Variants in SLC24A3 observed in about 807,000 individuals in gnomAD.
SLC24A3 encodes solute carrier family 24 member 3, also known as sodium/potassium/calcium exchanger 3.
SLC24A3 carries 28 observed loss-of-function variants against 75.8 expected under a neutral mutation model. That is an observed-to-expected ratio of 0.37 (90% confidence interval 0.27 to 0.51). SLC24A3 has a LOEUF of 0.51. Ranked by LOEUF, SLC24A3 falls within the 20% of genes least tolerant of loss-of-function variation. The pLI, the probability that SLC24A3 is intolerant of heterozygous loss-of-function variation, is 0.94. For missense variants in SLC24A3, 663 were observed against 847.8 expected, an observed-to-expected ratio of 0.78 and a Z score of 2.71; for synonymous variants, 372 against 334.1, an observed-to-expected ratio of 1.11 and a Z score of -1.24.
intron 2 of SLC24A3, among the ~76,000 whole-genome samples, chr20:19,473,831 C>T (rs1458360766): frequency 3.9e-5 from 6 of 152,228 alleles, no homozygotes; most frequent in Non-Finnish European, 7.3e-5. Context: ...GCCCCAGTGA[C>T]CTCTCACTGT....
chr20:19,604,257 G>A (rs1193973799), intron 6 of SLC24A3, among the ~76,000 whole-genome samples: 2 of 151,596 alleles, frequency 1.3e-5, no homozygotes, highest in East Asian at 1.9e-4. Context: ...GGGCTGGCAT[G>A]AGCCACCACA....
At chr20:19,369,436 G>A (rs892419857) in intron 2 of SLC24A3, among the ~76,000 whole-genome samples, 7 of 152,006 alleles carry the variant, frequency 4.6e-5, no homozygotes, top group African/African-American at 1.7e-4. Flanking sequence ...CCAGATTAGG[G>A]GAGACAAAGG....
intron 3 of SLC24A3, among the ~76,000 whole-genome samples, chr20:19,551,398 G>C (rs2030691250): frequency 6.6e-6 from 1 of 152,126 alleles, no homozygotes; most frequent in South Asian, 2.1e-4. Context: ...ATCAAGAAAT[G>C]GAGAAGCAGG....
rs78200794 is a variant in SLC24A3 at position 19,722,713 on chromosome 20, C to A, written c.*1573C>A. The A allele has an allele frequency of 2.0e-5, 3 of 152,780 alleles. No homozygotes were observed. The highest frequency in any genetic ancestry group is 4.4e-5 in the Non-Finnish European group (3 of 68,044). 9.5% of individuals were successfully genotyped at this position (152,780 alleles called of 1,614,324 possible). ...CCTGCTACAAATTGGTTGAATGTTT[C>A]TGTCTGTGGTGCGAACCAGCATTAA... On this transcript the variant is annotated 3_prime_UTR_variant, in exon 17 of 17. Transcript: ENST00000328041.
intron 2 of SLC24A3, among the ~76,000 whole-genome samples, chr20:19,297,717 T>C (rs531644100): frequency 3.9e-4 from 60 of 152,366 alleles, no homozygotes; most frequent in Middle Eastern, 6.8e-3. Context: ...CTTCAGGAAA[T>C]GCCTTGTAGA....
intron 6 of SLC24A3, among the ~76,000 whole-genome samples, chr20:19,649,753 G>GTGAA (rs989804761): frequency 6.6e-6 from 1 of 152,188 alleles, no homozygotes; most frequent in African/African-American, 2.4e-5. Flanking sequence ...TTTGCCTGTA[G>GTGAA]TGAAGCATTG....
chr20:19,513,266 G>A (rs528948823), intron 2 of SLC24A3, among the ~76,000 whole-genome samples: 97 of 152,304 alleles, frequency 6.4e-4, no homozygotes, highest in Admixed American at 3.5e-3. Flanking sequence ...TGTGAGGGGC[G>A]TCCCCAGCCC....
intron 6 of SLC24A3, among the ~76,000 whole-genome samples, chr20:19,652,685 T>G (rs2032221328): frequency 6.6e-6 from 1 of 152,220 alleles, no homozygotes; most frequent in Non-Finnish European, 1.5e-5. Context: ...GGCCTTGTTA[T>G]TCATTTATGG....
rs553956421 is a variant in SLC24A3, at chr20:19,326,566, T to C, written c.271+45479T>C. ...TTTCTAGCACATTCAGTTTTTTCTT[T>C]CTTTTCTTTTCTTTTTTTTTTTTTT... On this transcript the variant is annotated intron_variant, in intron 2 of 16. Transcript: ENST00000328041. 1.0e-4 allele frequency among the ~76,000 whole-genome samples: 15 copies of C among 149,910 alleles called. No homozygotes were observed. In the East Asian group the frequency reaches 2.9e-3, roughly 29 times the overall value.
chr20:19,563,253 A>G (rs2122613095), intron 3 of SLC24A3, among the ~76,000 whole-genome samples: 1 of 152,276 alleles, frequency 6.6e-6, no homozygotes, highest in South Asian at 2.1e-4. Context: ...GCCAGCTGAG[A>G]TTTTAAAATT....
chr20:19,678,303 A>ACCTC (rs2032553890), intron 9 of SLC24A3, among the ~76,000 whole-genome samples: 1 of 128,134 alleles, frequency 7.8e-6, no homozygotes, highest in African/African-American at 3.0e-5. Flanking sequence ...GGCACCCCTC[A>ACCTC]CCTCCCAGAC....
At chr20:19,376,737 T>G (rs1474186837) in intron 2 of SLC24A3, among the ~76,000 whole-genome samples, 1 of 151,996 alleles carries the variant, frequency 6.6e-6, no homozygotes, top group Non-Finnish European at 1.5e-5. Flanking sequence ...AAAACTTCCC[T>G]CTTGATCCAG....
chr20:19,677,391 T>A (rs978593804), intron 9 of SLC24A3, among the ~76,000 whole-genome samples: 1 of 152,118 alleles, frequency 6.6e-6, no homozygotes, highest in Non-Finnish European at 1.5e-5. Flanking sequence ...TCTTTCCCTG[T>A]CGCTCTACAG....
intron 2 of SLC24A3, among the ~76,000 whole-genome samples, chr20:19,424,173 C>T (rs560260355): frequency 1.2e-3 from 181 of 152,282 alleles, no homozygotes; most frequent in African/African-American, 4.2e-3. Context: ...ATACCCAAGA[C>T]AATTTCCTGG....
intron 2 of SLC24A3, among the ~76,000 whole-genome samples, chr20:19,378,133 G>A (rs181417514): frequency 8.5e-5 from 13 of 152,236 alleles, no homozygotes; most frequent in Non-Finnish European, 1.6e-4. Flanking sequence ...GATGGAGAGT[G>A]CTCTCCAGGA....
At chr20:19,529,808 C>A (rs1316787355) in intron 3 of SLC24A3, among the ~76,000 whole-genome samples, 1 of 152,200 alleles carries the variant, frequency 6.6e-6, no homozygotes, top group African/African-American at 2.4e-5. Context: ...GTTTGTTATA[C>A]ATGTCCCAGT....
chr20:19,339,847 G>A (rs1985227351), intron 2 of SLC24A3, among the ~76,000 whole-genome samples: 1 of 152,214 alleles, frequency 6.6e-6, no homozygotes, highest in African/African-American at 2.4e-5. Context: ...AGAGAAGAAG[G>A]GAGGAAGGCA....
intron 2 of SLC24A3, among the ~76,000 whole-genome samples, chr20:19,309,585 G>T (rs1600422293): frequency 1.3e-5 from 2 of 152,246 alleles, no homozygotes; most frequent in South Asian, 2.1e-4. Flanking sequence ...GGAAAACGCT[G>T]GCCTAGAGCT....
chr20:19,441,512 A>G (rs1448954810), intron 2 of SLC24A3, among the ~76,000 whole-genome samples: 2 of 152,216 alleles, frequency 1.3e-5, no homozygotes, highest in Non-Finnish European at 2.9e-5. Context: ...CTTTAAGTTA[A>G]TAGACTTTAT....
Sources: gnomAD v4.1 joint callset for allele counts (sites outside exome capture counted in the v4.1 genomes callset) on GRCh38, gnomAD v4.1.1 for gene constraint, MANE v1.5 for transcripts, NCBI Gene and HGNC (gene_info 2026-07-23, HGNC 2026-07-21) for gene names.